Variants in NRSN1 observed in about 807,000 individuals in gnomAD.
The protein encoded by NRSN1 is neurensin 1, also known as neurensin-1.
Under a neutral mutation model 17.3 loss-of-function variants are expected in NRSN1, and 14 were observed. The ratio of observed to expected loss-of-function variants is 0.81; its 90% CI spans 0.54 to 1.27. The LOEUF is 1.27. Among genes scored for constraint, NRSN1 ranks in the 50% most tolerant of loss-of-function variants. The pLI is 0.00. For synonymous variants in NRSN1, 79 were observed against 94.2 expected (o/e 0.84, Z 0.93); for missense variants, 209 against 235.9 (o/e 0.89, Z 0.75).
chr6:24,146,143 C>T lies in NRSN1; in HGVS notation c.*197C>T. 1.4e-6 allele frequency: 1 copy of T among 720,062 alleles called. No homozygotes were observed. Among genetic ancestry groups the T allele is most frequent in the Non-Finnish European group, 2.6e-6 (1 of 388,690 alleles). 44.6% of individuals were successfully genotyped at this position (720,062 alleles called of 1,614,324 possible). ...GCGGTGCCATGCCTAAGCCTGTGCA[C>T]ATGCATCCAGCTGCTTAAGATGGGT... On this transcript the variant is annotated 3_prime_UTR_variant, in exon 4 of 4. Transcript: ENST00000378491.
chr6:24,145,621 C>T lies in NRSN1; in HGVS notation c.263C>T (p.Pro88Leu), dbSNP rs1266388485. Residue 88 changes from proline (P) to leucine (L), a missense_variant, in exon 4 of 4, where the codon CCC (proline) becomes CTC (leucine). Pro to Leu is a moderately conservative substitution (Grantham distance 98). Transcript: ENST00000378491. This position sits in a 1 kb window ranked among gnomAD's most constrained non-coding sequence, Gnocchi z 4.4. ...CTGGCAGTGGGCTTTCTTGTGCCCC[C>T]CAAAATCGAAGCATTTGGCGAAGCC... ...TVLAVGFLVP[P>L]KIEAFGEADF... 1 of 1,613,586 alleles carries T rather than the reference C, an allele frequency of 6.2e-7. No individual in the cohort carries two copies. Among genetic ancestry groups the T allele is most frequent in the African/African-American group, 1.3e-5 (1 of 74,900 alleles).
At position 24,137,695 on chromosome 6, in the gene NRSN1, G is replaced by A. The variant is rs183693267; in HGVS notation, c.189+3179G>A. The stretch of plus-strand genomic sequence containing the variant: ...TATCCCTCCCCACTCCCCCAACCCC[G>A]CAGCAGTCCCCGGAGTATGATGTTC... On this transcript the variant is annotated intron_variant, in intron 3 of 3. Coordinates refer to ENST00000378491, the MANE Select transcript of NRSN1 (RefSeq NM_080723.5). Among the ~76,000 whole-genome samples, 12 of 151,960 alleles carry A rather than the reference G, an allele frequency of 7.9e-5. No homozygotes were observed. The East Asian group carries it at 9.7e-4, about 12-fold the overall frequency.
rs1760309080 is a variant in NRSN1 at position 24,146,549 on chromosome 6, T to TCCAAC, written c.*603_*604insCCAAC. ...CCTTTGAGATGAAGTGCTGTTCTTTTGCCTAGGTTGGAGTACAGCGGTGAA... is the reference window on the plus strand; with the variant it reads ...CCTTTGAGATGAAGTGCTGTTCTTTTCCAACGCCTAGGTTGGAGTACAGCGGTGAA... On this transcript the variant is annotated 3_prime_UTR_variant, in exon 4 of 4. Transcript: ENST00000378491. 3.9e-5 allele frequency: 13 copies of TCCAAC among 333,608 alleles called. No individual in the cohort carries two copies. Among genetic ancestry groups the TCCAAC allele is most frequent in the South Asian group, 3.1e-4 (13 of 41,356 alleles). 20.7% of individuals were successfully genotyped at this position (333,608 alleles called of 1,614,324 possible).
In NRSN1 at chr6:24,145,985, C is replaced by A; in HGVS notation, c.*39C>A. 1 of 1,570,844 alleles carries A rather than the reference C, an allele frequency of 6.4e-7. No homozygotes were observed. Among genetic ancestry groups the A allele is most frequent in the Non-Finnish European group, 8.6e-7 (1 of 1,158,508 alleles). On this transcript the variant is annotated 3_prime_UTR_variant, in exon 4 of 4. Coordinates refer to ENST00000378491, the MANE Select transcript of NRSN1 (RefSeq NM_080723.5). This position sits in a 1 kb window ranked among gnomAD's most constrained non-coding sequence, Gnocchi z 4.4. ...CCAGTTCTTCTTGTCTGATTTATGC[C>A]CGTGGTTAAAAAGAGCAGGCCAGTT...
At chr6:24,141,382 A>C in intron 3 of NRSN1, 1 of 504,382 alleles carries the variant, frequency 2.0e-6, no homozygotes, top group East Asian at 4.6e-5. Context: ...CACCTCCCAT[A>C]TGCTACTCAT....
At chr6:24,134,709 C>T (rs1760091100) in intron 3 of NRSN1, among the ~76,000 whole-genome samples, 193 bp downstream of exon 3, 1 of 152,118 alleles carries the variant, frequency 6.6e-6, no homozygotes, top group Non-Finnish European at 1.5e-5. Flanking sequence ...AAACACAGCA[C>T]AACTATTGAT....
intron 1 of NRSN1, among the ~76,000 whole-genome samples, chr6:24,127,561 T>C (rs1759967707): frequency 1.3e-5 from 2 of 152,234 alleles, no homozygotes; most frequent in Non-Finnish European, 1.5e-5. Flanking sequence ...CTGCTTTTCT[T>C]AGGCAGCTGG....
chr6:24,138,708 G>T (rs1309224294), intron 3 of NRSN1, among the ~76,000 whole-genome samples: 1 of 152,092 alleles, frequency 6.6e-6, no homozygotes, highest in Non-Finnish European at 1.5e-5. Context: ...CCTCCTATCT[G>T]CCCTGACCTC....
chr6:24,141,101 G>T, intron 3 of NRSN1: 2 of 1,380,610 alleles, frequency 1.4e-6, no homozygotes, highest in Non-Finnish European at 1.9e-6. Context: ...TGAGCCTGGA[G>T]GAGGACCCTT....
At chr6:24,133,747 T>C (rs1005110613) in intron 2 of NRSN1, among the ~76,000 whole-genome samples, 11 of 152,234 alleles carry the variant, frequency 7.2e-5, no homozygotes, top group Admixed American at 3.3e-4. Flanking sequence ...ATTTCATTTA[T>C]GGAGATGCAG....
In NRSN1 at chr6:24,146,126, A is replaced by T; in HGVS notation, c.*180A>T. ...GGCAGCTCTGCTGGAGGGCGGTGCC[A>T]TGCCTAAGCCTGTGCACATGCATCC... On this transcript the variant is annotated 3_prime_UTR_variant, in exon 4 of 4. Transcript: ENST00000378491. 1 of 740,694 alleles carries T rather than the reference A, an allele frequency of 1.4e-6. No homozygotes were observed. The highest frequency in any genetic ancestry group is 1.5e-5 in the South Asian group (1 of 67,684). 45.9% of individuals were successfully genotyped at this position (740,694 alleles called of 1,614,324 possible).
intron 3 of NRSN1, chr6:24,140,958 A>T: frequency 7.3e-7 from 1 of 1,372,564 alleles, no homozygotes; most frequent in Non-Finnish European, 9.5e-7. Context: ...TCCCACAGCC[A>T]AGAGTGGAAT....
intron 3 of NRSN1, among the ~76,000 whole-genome samples, chr6:24,143,531 T>C (rs79629838): frequency 0.11 from 16,310 of 152,218 alleles, 1,119 homozygotes; most frequent in East Asian, 0.22. Context: ...TAGTATATTA[T>C]CTCAAAAATT....
At chr6:24,138,170 A>T (rs1300554471) in intron 3 of NRSN1, among the ~76,000 whole-genome samples, 2 of 152,058 alleles carry the variant, frequency 1.3e-5, no homozygotes, top group Non-Finnish European at 2.9e-5. Context: ...TCAGGTATAA[A>T]CACACACACA....
At chr6:24,142,609 C>T (rs1284291806) in intron 3 of NRSN1, among the ~76,000 whole-genome samples, 3 of 152,010 alleles carry the variant, frequency 2.0e-5, no homozygotes, top group Admixed American at 2.0e-4. Flanking sequence ...ACTGGCATGC[C>T]CCACCATGCC....
At chr6:24,134,042 T>TGTGTGTGTGTGTGTG (rs1554140179) in intron 2 of NRSN1, among the ~76,000 whole-genome samples, 2 of 47,238 alleles carry the variant, frequency 4.2e-5, no homozygotes, top group East Asian at 8.5e-4. Context: ...GTGTGTGTGT[T>TGTGTGTGTGTGTGTG]TTTAGTAGAG....
chr6:24,126,522 A>T (rs193181524), intron 1 of NRSN1, among the ~76,000 whole-genome samples, 182 bp downstream of exon 1: 3 of 152,126 alleles, frequency 2.0e-5, no homozygotes, highest in African/African-American at 4.8e-5. Flanking sequence ...TCCACAAAAA[A>T]CATGCGTATT....
chr6:24,127,249 C>A (rs185153372), intron 1 of NRSN1, among the ~76,000 whole-genome samples: 170 of 152,196 alleles, frequency 1.1e-3, no homozygotes, highest in Non-Finnish European at 4.0e-4. Context: ...CCCAAATCTG[C>A]CCACACACCA....
chr6:24,133,086 G>T (rs1262747639), intron 2 of NRSN1, among the ~76,000 whole-genome samples: 5 of 151,872 alleles, frequency 3.3e-5, no homozygotes, highest in African/African-American at 7.3e-5. Flanking sequence ...CCATATAAAT[G>T]CCTCTCTCTA....
Sources: allele counts gnomAD v4.1 joint callset (sites outside exome capture counted in the v4.1 genomes callset), GRCh38; gene constraint gnomAD v4.1.1; non-coding constraint Gnocchi (gnomAD v3.1); transcripts MANE v1.5; gene names NCBI Gene and HGNC (gene_info 2026-07-23, HGNC 2026-07-21).